Variants in NDRG4 observed in about 807,000 individuals in gnomAD.
The protein encoded by NDRG4 is protein NDRG4.
In NDRG4, 38 loss-of-function variants were observed where a neutral mutation model predicts 55.8. The observed-to-expected ratio is 0.68, with a 90% CI of 0.53 to 0.89. The LOEUF (loss-of-function observed/expected upper bound fraction) is 0.89. NDRG4 is among the 40% of genes least tolerant of loss of function. The probability of loss-of-function intolerance (pLI) is 0.00; values close to 1 mark genes in which losing one functional copy is unlikely to be tolerated. For synonymous variants in NDRG4, 190 were observed against 182.7 expected, an observed-to-expected ratio of 1.04 and a Z score of -0.32; for missense variants, 455 against 468.6, an observed-to-expected ratio of 0.97 and a Z score of 0.27.
At chr16:58,506,873 T>C (rs1357993029) in intron 7 of NDRG4, 39 bp from the exon 8 acceptor site, 12 of 1,572,336 alleles carry the variant, frequency 7.6e-6, no homozygotes, top group South Asian at 1.1e-5. Flanking sequence ...TCCCTCTGTC[T>C]GCCCCTCTGC....
intron 1 of NDRG4, among the ~76,000 whole-genome samples, chr16:58,482,595 T>C (rs1399162194): frequency 2.0e-5 from 3 of 151,942 alleles, no homozygotes; most frequent in African/African-American, 2.4e-5. Flanking sequence ...AATTCTCCGA[T>C]GTATTTTCAT....
intron 1 of NDRG4, among the ~76,000 whole-genome samples, chr16:58,484,228 C>A (rs1047753254): frequency 1.3e-5 from 2 of 152,034 alleles, no homozygotes; most frequent in Non-Finnish European, 2.9e-5. Flanking sequence ...AAAAAATTAG[C>A]CAGGCGTGGT....
chr16:58,487,919 C>A, intron 2 of NDRG4: 1 of 1,219,136 alleles, frequency 8.2e-7, no homozygotes, highest in Non-Finnish European at 1.1e-6. Flanking sequence ...AGGGAGACCG[C>A]GTGCCTTTCC....
rs2031184249 is a variant in NDRG4 at position 58,464,499 on chromosome 16, A to G, written c.-24+702A>G. 4 of 1,305,920 alleles carry G rather than the reference A, an allele frequency of 3.1e-6. No individual in the cohort carries two copies. The highest frequency in any genetic ancestry group is 4.5e-5 in the South Asian group (2 of 44,384). 80.9% of individuals were successfully genotyped at this position (1,305,920 alleles called of 1,614,324 possible). ...CCCGCCTGCCCCGCAGCCGGCCGCC[A>G]CTTTCCGAGTTGGAGCGGACTCCGG... On this transcript the variant is annotated intron_variant, in intron 1 of 15. Coordinates refer to the NDRG4 transcript ENST00000258187. The surrounding 1 kb of genome is among the most constrained non-coding windows in gnomAD (Gnocchi z 4.8).
chr16:58,509,673 G>A (rs1273604049), intron 13 of NDRG4, among the ~76,000 whole-genome samples: 2 of 152,130 alleles, frequency 1.3e-5, no homozygotes, highest in African/African-American at 4.8e-5. Flanking sequence ...CAGGGGCCGT[G>A]TCCTGCCAGG....
chr16:58,507,607 G>C (rs1440976112), intron 8 of NDRG4: 1 of 585,170 alleles, frequency 1.7e-6, no homozygotes, highest in East Asian at 2.8e-5. Context: ...ATGGCTCTGA[G>C]GGGGATAGAG....
intron 2 of NDRG4, among the ~76,000 whole-genome samples, chr16:58,490,270 C>T (rs1457383948): frequency 1.3e-5 from 2 of 152,212 alleles, no homozygotes; most frequent in African/African-American, 2.4e-5. Flanking sequence ...GACAGCCGCA[C>T]GGAGGTGCTG....
Position 58,512,036 on chromosome 16 carries a change from C to G in NDRG4, c.*460C>G. 2.2e-6 allele frequency: 1 copy of G among 458,492 alleles called. No individual in the cohort carries two copies. Among genetic ancestry groups the G allele is most frequent in the Non-Finnish European group, 4.4e-6 (1 of 228,260 alleles). The allele number at this position is 458,492 out of a possible 1,614,324, so 28.4% of individuals were successfully genotyped here. On this transcript the variant is annotated 3_prime_UTR_variant, in exon 15 of 15. Coordinates refer to ENST00000570248, the MANE Select transcript of NDRG4 (RefSeq NM_001242835.2). ...CACCCTCCACCAAGCACACCTGTTT[C>G]TGTCTCATAGCACATGTGACAATCA... is the stretch of plus-strand genomic sequence containing the variant.
intron 1 of NDRG4, among the ~76,000 whole-genome samples, chr16:58,487,379 AG>A (rs1205961397): frequency 6.6e-6 from 1 of 152,060 alleles, no homozygotes; most frequent in African/African-American, 2.4e-5. Flanking sequence ...AAAATTAGCA[AG>A]GTGGTGGTGT....
chr16:58,497,491 C>T (rs902589450), upstream of NDRG4, among the ~76,000 whole-genome samples: 9 of 152,162 alleles, frequency 5.9e-5, no homozygotes, highest in Non-Finnish European at 1.0e-4. Context: ...TGCTTACTAG[C>T]CAAGTGAGGA....
At chr16:58,493,809 G>A (rs747750200) in intron 2 of NDRG4, among the ~76,000 whole-genome samples, 1 of 152,184 alleles carries the variant, frequency 6.6e-6, no homozygotes, top group African/African-American at 2.4e-5. Flanking sequence ...GACGTGTGCT[G>A]GTCCCTGATT....
upstream of NDRG4, chr16:58,497,054 A>C (rs2036492875): frequency 6.6e-6 from 1 of 152,148 alleles, no homozygotes; most frequent in Non-Finnish European, 1.5e-5. Context: ...GGGTGTGGTG[A>C]CTCATACCTG....
chr16:58,505,991 G>C (rs2037917613), intron 5 of NDRG4: 1 of 328,574 alleles, frequency 3.0e-6, no homozygotes, highest in Admixed American at 4.7e-5. Flanking sequence ...CAAAGTGCTG[G>C]GATTACAGGC....
intron 1 of NDRG4, chr16:58,501,189 C>G: frequency 1.6e-6 from 1 of 626,288 alleles, no homozygotes; most frequent in Non-Finnish European, 2.3e-6. Context: ...TCACCCCGCA[C>G]GCACGGAGGT....
At chr16:58,506,044 CA>C in intron 5 of NDRG4, 1 of 415,802 alleles carries the variant, frequency 2.4e-6, no homozygotes, top group South Asian at 2.1e-5. Flanking sequence ...TCTATAAAAG[CA>C]AAAAAACAAC....
chr16:58,478,204 C>G (rs1313491465), intron 1 of NDRG4, among the ~76,000 whole-genome samples: 2 of 152,130 alleles, frequency 1.3e-5, no homozygotes, highest in African/African-American at 4.8e-5. Context: ...GCCTGGCCAA[C>G]ACGGTGAAAC....
downstream of NDRG4, among the ~76,000 whole-genome samples, chr16:58,514,356 AC>A (rs775023638): frequency 7.2e-5 from 11 of 152,222 alleles, no homozygotes; most frequent in Admixed American, 3.9e-4. Flanking sequence ...TAGTCAACAT[AC>A]CAATCCTTAC....
chr16:58,500,354 C>A, intron 1 of NDRG4, 85 bp downstream of exon 1: 5 of 1,482,880 alleles, frequency 3.4e-6, no homozygotes, highest in Non-Finnish European at 4.5e-6. Flanking sequence ...GTGCCCCCCT[C>A]AACCCACATC....
intron 2 of NDRG4, among the ~76,000 whole-genome samples, chr16:58,492,534 GTGTGTGTGTGTGTGTGT>G (rs1396692232): frequency 5.5e-5 from 6 of 109,314 alleles, no homozygotes; most frequent in Non-Finnish European, 6.7e-5. Flanking sequence ...GTGTGTGTGT[GTGTGTGTGTGTGTGTGT>G]GAGAGACAGA....
Sources: gnomAD v4.1 joint callset for allele counts (sites outside exome capture counted in the v4.1 genomes callset) on GRCh38, gnomAD v4.1.1 for gene constraint, Gnocchi (gnomAD v3.1) non-coding constraint, MANE v1.5 for transcripts, NCBI Gene and HGNC (gene_info 2026-07-23, HGNC 2026-07-21) for gene names.